The following GNA12 variants were observed in gnomAD, a reference collection of about 807,000 sequenced individuals.
GNA12 encodes guanine nucleotide-binding protein subunit alpha-12.
Under a neutral mutation model 26.0 loss-of-function variants are expected in GNA12, and 9 were observed. The observed-to-expected ratio is 0.35, with a 90% CI of 0.21 to 0.60. GNA12 has a LOEUF of 0.60. GNA12 is among the 20% of genes least tolerant of loss of function. The pLI is 0.78. For missense variants in GNA12, 405 were observed against 525.8 expected (o/e 0.77, Z 2.25); for synonymous variants, 264 against 219.6 (o/e 1.20, Z -1.79).
chr7:2,837,535 C>T (rs980061187), intron 1 of GNA12, among the ~76,000 whole-genome samples: 4 of 152,028 alleles, frequency 2.6e-5, no homozygotes, highest in East Asian at 3.9e-4. Context: ...TGTGCCAAGA[C>T]AAATCATAAT....
At chr7:2,804,935 G>A (rs557555231) in intron 1 of GNA12, among the ~76,000 whole-genome samples, 26 of 151,706 alleles carry the variant, frequency 1.7e-4, no homozygotes, top group African/African-American at 6.1e-4. Context: ...AAGAGGATAC[G>A]CAGCTAATGT....
intron 1 of GNA12, among the ~76,000 whole-genome samples, chr7:2,823,160 C>T (rs1397364957): frequency 6.6e-6 from 1 of 152,186 alleles, no homozygotes; most frequent in Non-Finnish European, 1.5e-5. Context: ...TGTTGGAGGG[C>T]CTTTTCCAGG....
intron 1 of GNA12, among the ~76,000 whole-genome samples, chr7:2,824,816 G>A (rs1473079614): frequency 6.6e-6 from 1 of 152,108 alleles, no homozygotes; most frequent in Non-Finnish European, 1.5e-5. Flanking sequence ...CGTAGCTGAG[G>A]GCCGGTGGCA....
Position 2,731,166 on chromosome 7 carries a change from C to G in GNA12, c.*15G>C. On this transcript the variant is annotated 3_prime_UTR_variant, in exon 4 of 4. Coordinates refer to ENST00000275364, the MANE Select transcript of GNA12 (RefSeq NM_007353.3). The surrounding 1 kb of genome is among the most constrained non-coding windows in gnomAD (Gnocchi z 6.0). ...GGGGGCTGCTCAACGACGACAAACCCCGGGGCTTCCTCGCTCACTGCAGCA... is the reference window on the plus strand; with the variant it reads ...GGGGGCTGCTCAACGACGACAAACCGCGGGGCTTCCTCGCTCACTGCAGCA... 6.3e-7 allele frequency: 1 copy of G among 1,582,858 alleles called. No homozygotes were observed. The highest frequency in any genetic ancestry group is 8.6e-7 in the Non-Finnish European group (1 of 1,158,992).
At chr7:2,805,877 C>T (rs879633731) in intron 1 of GNA12, among the ~76,000 whole-genome samples, 1 of 152,088 alleles carries the variant, frequency 6.6e-6, no homozygotes, top group Admixed American at 6.5e-5. Context: ...TGGCTCTGTC[C>T]CAGCCACGAG....
At chr7:2,795,255 T>A in intron 1 of GNA12, 112 bp from the exon 2 acceptor site, 1 of 782,240 alleles carries the variant, frequency 1.3e-6, no homozygotes, top group Non-Finnish European at 2.1e-6. Context: ...TCACAAGCTC[T>A]GAGCTGTGCA....
rs748012133 is a variant in GNA12 at position 2,731,454 on chromosome 7, G to A, written c.873C>T (p.Ile291=). ...GGTCCATCTTGTTGAGGAAGAGAAT[G>A]ATGGAGACGTTGAAGAAGAGCTTGT... ...VNNKLFFNVS[I]ILFLNKMDLL... The change falls in exon 4 of 4, where the codon ATC becomes ATT. Residue 291 remains isoleucine, a synonymous_variant. Coordinates refer to ENST00000275364, the MANE Select transcript of GNA12 (RefSeq NM_007353.3). This position sits in a 1 kb window ranked among gnomAD's most constrained non-coding sequence, Gnocchi z 6.0. 2.8e-5 allele frequency: 45 copies of A among 1,613,862 alleles called. No homozygotes were observed. In the South Asian group the frequency reaches 4.9e-4, roughly 18 times the overall value.
In GNA12 at chr7:2,728,496, T is replaced by G. The variant is rs1328444329; in HGVS notation, c.*2685A>C. The G allele has an allele frequency of 1.3e-5, 2 of 152,392 alleles. No homozygotes were observed. Among genetic ancestry groups the G allele is most frequent in the Non-Finnish European group, 2.9e-5 (2 of 68,024 alleles). The allele number at this position is 152,392 out of a possible 1,614,324, so 9.4% of individuals were successfully genotyped here. Reference sequence around the variant, plus strand: ...TCTCTACGAACATAAGAGTTAAAAATAGATTTCAGTAAAACCCTATATGCG... The same window carrying G: ...TCTCTACGAACATAAGAGTTAAAAAGAGATTTCAGTAAAACCCTATATGCG... On this transcript the variant is annotated 3_prime_UTR_variant, in exon 4 of 4. Transcript: ENST00000275364.
intron 1 of GNA12, among the ~76,000 whole-genome samples, chr7:2,807,011 T>C (rs1792966175): frequency 6.6e-6 from 1 of 152,228 alleles, no homozygotes; most frequent in Non-Finnish European, 1.5e-5. Flanking sequence ...AATTTACACA[T>C]TTATGTTTAA....
At chr7:2,822,614 T>A (rs142512193) in intron 1 of GNA12, among the ~76,000 whole-genome samples, 6 of 151,920 alleles carry the variant, frequency 3.9e-5, no homozygotes, top group Non-Finnish European at 5.9e-5. Context: ...AGCCCAGGAG[T>A]TTGAGACCAG....
chr7:2,835,972 C>A, intron 1 of GNA12: 3 of 470,210 alleles, frequency 6.4e-6, no homozygotes, highest in South Asian at 6.3e-5. Flanking sequence ...TTTGAAAGTT[C>A]AGTTGTATGC....
chr7:2,804,854 T>C (rs550538416), intron 1 of GNA12, among the ~76,000 whole-genome samples: 44 of 151,468 alleles, frequency 2.9e-4, no homozygotes, highest in African/African-American at 1.1e-3. Flanking sequence ...AGCCCAGGAG[T>C]TGGAGACCAG....
chr7:2,838,301 C>G (rs1562452385), intron 1 of GNA12, among the ~76,000 whole-genome samples: 1 of 149,568 alleles, frequency 6.7e-6, no homozygotes. Context: ...AAAAATCAGC[C>G]AGGGAGGATC....
intron 2 of GNA12, among the ~76,000 whole-genome samples, chr7:2,780,048 G>GTGTGTATATA (rs748113158): frequency 3.2e-4 from 27 of 84,728 alleles, no homozygotes; most frequent in South Asian, 4.5e-4. Flanking sequence ...ACATTTCTGT[G>GTGTGTATATA]TACATATATA....
intron 1 of GNA12, among the ~76,000 whole-genome samples, chr7:2,833,431 C>A (rs1004961402): frequency 1.3e-5 from 2 of 152,192 alleles, no homozygotes; most frequent in South Asian, 4.1e-4. Context: ...TATCTCACAT[C>A]AAGCACAGCT....
chr7:2,775,572 CA>C (rs879477070), intron 2 of GNA12: 11 of 152,192 alleles, frequency 7.2e-5, no homozygotes, highest in Admixed American at 7.2e-4. Flanking sequence ...AACGCAGAAG[CA>C]AAACAGAGCT....
rs886534589 is a variant in GNA12 at position 2,792,239 on chromosome 7, G to A, written c.525+2689C>T. ...GGTGATCCATGAATGCAGAATGAAT[G>A]AATGAATGAGTGAAGAAGGGGAGAA... On this transcript the variant is annotated intron_variant, in intron 2 of 3. Transcript: ENST00000275364. 3.9e-5 allele frequency among the ~76,000 whole-genome samples: 6 copies of A among 152,250 alleles called. 1 individual carries two copies. The highest frequency in any genetic ancestry group is 1.3e-4 in the Admixed American group (2 of 15,288).
At chr7:2,734,836 C>A (rs1428846124) in intron 2 of GNA12, among the ~76,000 whole-genome samples, 1 of 152,190 alleles carries the variant, frequency 6.6e-6, no homozygotes, top group Non-Finnish European at 1.5e-5. Flanking sequence ...CACCTCGTGA[C>A]CACCGGCTCT....
chr7:2,822,961 CA>C (rs1272959051), intron 1 of GNA12, among the ~76,000 whole-genome samples: 1 of 152,204 alleles, frequency 6.6e-6, no homozygotes. Flanking sequence ...GTCCTCTGCC[CA>C]TTCCCTGGCC....
Sources: allele counts gnomAD v4.1 joint callset (sites outside exome capture counted in the v4.1 genomes callset), GRCh38; gene constraint gnomAD v4.1.1; non-coding constraint Gnocchi (gnomAD v3.1); transcripts MANE v1.5; gene names NCBI Gene and HGNC (gene_info 2026-07-23, HGNC 2026-07-21).